Variants in DTD1 observed in about 807,000 individuals in gnomAD.
The protein encoded by DTD1 is D-aminoacyl-tRNA deacylase 1.
In DTD1, 13 loss-of-function variants were observed where a neutral mutation model predicts 25.6. That is an observed-to-expected ratio of 0.51 (90% CI 0.33 to 0.81). DTD1 has a LOEUF of 0.81. DTD1 is among the 30% of genes least tolerant of loss of function. DTD1 has a pLI of 0.02. For synonymous variants in DTD1, 110 were observed against 103.6 expected, an observed-to-expected ratio of 1.06 and a Z score of -0.37; for missense variants, 193 against 266.4, an observed-to-expected ratio of 0.72 and a Z score of 1.92.
intron 4 of DTD1, among the ~76,000 whole-genome samples, chr20:18,711,991 C>T (rs1300512430): frequency 6.6e-6 from 1 of 151,856 alleles, no homozygotes; most frequent in East Asian, 1.9e-4. Flanking sequence ...ATTGCTTGAA[C>T]CTGGGAGGTG....
chr20:18,760,950 C>A (rs1471239688), intron 5 of DTD1, among the ~76,000 whole-genome samples: 11 of 152,218 alleles, frequency 7.2e-5, no homozygotes, highest in Admixed American at 7.2e-4. Flanking sequence ...GCCCCTCCCC[C>A]AGCCTTGCTG....
At chr20:18,651,925 A>G (rs888024892) in intron 4 of DTD1, among the ~76,000 whole-genome samples, 1 of 152,204 alleles carries the variant, frequency 6.6e-6, no homozygotes, top group Admixed American at 6.5e-5. Context: ...CCACTTATTT[A>G]AAGTGGACAG....
chr20:18,693,407 A>G (rs1403321415), intron 4 of DTD1, among the ~76,000 whole-genome samples: 2 of 152,090 alleles, frequency 1.3e-5, no homozygotes, highest in East Asian at 3.9e-4. Flanking sequence ...CTGTAATCCC[A>G]GCACTTTGGG....
At chr20:18,632,172 C>A (rs567363838) in intron 4 of DTD1, 4 of 985,288 alleles carry the variant, frequency 4.1e-6, no homozygotes, top group East Asian at 1.1e-4. Flanking sequence ...CTCCCCAAAT[C>A]AAAAAATCCT....
chr20:18,589,771 A>G (rs141891991), intron 1 of DTD1, among the ~76,000 whole-genome samples: 1 of 152,312 alleles, frequency 6.6e-6, no homozygotes, highest in Non-Finnish European at 1.5e-5. Context: ...GTATTCTGTG[A>G]GATGTGCTGA....
At chr20:18,744,960 G>A (rs1294752420) in intron 5 of DTD1, among the ~76,000 whole-genome samples, 4 of 152,216 alleles carry the variant, frequency 2.6e-5, no homozygotes, top group African/African-American at 7.2e-5. Context: ...CCACCTGGGG[G>A]TGGAACCTGT....
chr20:18,628,947 C>T (rs189069060), intron 4 of DTD1, among the ~76,000 whole-genome samples: 5 of 149,082 alleles, frequency 3.4e-5, no homozygotes, highest in Admixed American at 6.7e-5. Context: ...AAGGGGACAG[C>T]GTGATAGAAA....
intron 4 of DTD1, among the ~76,000 whole-genome samples, chr20:18,708,232 T>TTATATA (rs1405109184): frequency 2.4e-3 from 54 of 22,332 alleles, no homozygotes; most frequent in Non-Finnish European, 3.5e-3. Flanking sequence ...TATATATATT[T>TTATATA]TATATATATA....
In DTD1 at chr20:18,728,136, G is replaced by A. The variant is rs549313452; in HGVS notation, c.478-15964G>A. ...ACTTGGAGACTGTCAGCCCCTCCTG[G>A]CCTTCCTGCCTCCTTGGCTGGCCTT... On this transcript the variant is annotated intron_variant, in intron 4 of 5. Transcript: ENST00000377452. 2.0e-5 allele frequency among the ~76,000 whole-genome samples: 3 copies of A among 152,332 alleles called. No individual in the cohort carries two copies. The South Asian group carries it at 6.2e-4, about 32-fold the overall frequency.
intron 4 of DTD1, among the ~76,000 whole-genome samples, chr20:18,634,493 G>A (rs757954038): frequency 6.6e-6 from 1 of 152,198 alleles, no homozygotes; most frequent in Non-Finnish European, 1.5e-5. Context: ...TTGAGTTAAC[G>A]GACGTGTTTA....
At chr20:18,653,457 T>A (rs1378690063) in intron 4 of DTD1, among the ~76,000 whole-genome samples, 1 of 152,212 alleles carries the variant, frequency 6.6e-6, no homozygotes, top group African/African-American at 2.4e-5. Flanking sequence ...TAAAGTATGC[T>A]AATATGTGAA....
At chr20:18,761,080 G>T (rs1468548580) in intron 5 of DTD1, among the ~76,000 whole-genome samples, 1 of 152,154 alleles carries the variant, frequency 6.6e-6, no homozygotes, top group Non-Finnish European at 1.5e-5. Flanking sequence ...TAAGACCATT[G>T]CAAAAGCGCA....
chr20:18,593,766 A>G lies in DTD1; in HGVS notation c.79A>G (p.Ile27Val), dbSNP rs1425678570. 1 of 1,614,062 alleles carries G rather than the reference A, an allele frequency of 6.2e-7. No homozygotes were observed. The highest frequency in any genetic ancestry group is 1.7e-5 in the Admixed American group (1 of 60,008). Residue 27 changes from isoleucine to valine, a missense_variant, in exon 2 of 6, where the codon ATA becomes GTA. Ile to Val is a conservative substitution (Grantham distance 29). Coordinates refer to ENST00000377452, the MANE Select transcript of DTD1 (RefSeq NM_080820.6). ...GEQISAIGRG[I>V]CVLLGISLED... ...GCAGATTAGTGCCATTGGAAGGGGC[A>G]TATGTGTGTTGCTGGGTATTTCCCT...
intron 4 of DTD1, among the ~76,000 whole-genome samples, chr20:18,690,370 TTTG>T (rs2061041019): frequency 6.6e-6 from 1 of 152,182 alleles, no homozygotes; most frequent in Non-Finnish European, 1.5e-5. Flanking sequence ...CTTGTTAATT[TTTG>T]TTTTTGCTGC....
At chr20:18,610,464 A>G (rs1290901926) in intron 3 of DTD1, among the ~76,000 whole-genome samples, 1 of 152,216 alleles carries the variant, frequency 6.6e-6, no homozygotes, top group Non-Finnish European at 1.5e-5. Flanking sequence ...ATAATTTTAT[A>G]ATGGATCAGA....
chr20:18,600,140 A>T (rs990404593), intron 3 of DTD1, among the ~76,000 whole-genome samples: 1 of 152,176 alleles, frequency 6.6e-6, no homozygotes, highest in Non-Finnish European at 1.5e-5. Context: ...TCTTATTTTC[A>T]TAGATTGTGC....
At chr20:18,747,354 A>G (rs939305124) in intron 5 of DTD1, among the ~76,000 whole-genome samples, 51 of 152,174 alleles carry the variant, frequency 3.4e-4, no homozygotes, top group African/African-American at 1.2e-3. Context: ...GGTAGAAGTC[A>G]TGGTGCCTGG....
chr20:18,588,701 C>G (rs2122233563), intron 1 of DTD1: 1 of 985,292 alleles, frequency 1.0e-6, no homozygotes, highest in African/African-American at 1.7e-5. Flanking sequence ...CGCCCCTCGC[C>G]CTCGCCCGCT....
chr20:18,694,010 C>G (rs75647635), intron 4 of DTD1, among the ~76,000 whole-genome samples: 1 of 152,198 alleles, frequency 6.6e-6, no homozygotes, highest in African/African-American at 2.4e-5. Context: ...TTGCACAGCA[C>G]GGATGCAGGA....
Sources: gnomAD v4.1 joint callset for allele counts (sites outside exome capture counted in the v4.1 genomes callset) on GRCh38, gnomAD v4.1.1 for gene constraint, MANE v1.5 for transcripts, NCBI Gene and HGNC (gene_info 2026-07-23, HGNC 2026-07-21) for gene names.